Variants in CEMIP observed in about 807,000 individuals in gnomAD.
The protein encoded by CEMIP is cell migration-inducing and hyaluronan-binding protein.
CEMIP carries 105 observed loss-of-function variants against 156.9 expected under a neutral mutation model. That is an observed-to-expected ratio of 0.67 (90% CI 0.57 to 0.79). The LOEUF is 0.79. Among genes scored for constraint, CEMIP ranks in the 30% least tolerant of loss-of-function variants. The probability of loss-of-function intolerance (pLI) is 0.00; values close to 1 mark genes in which losing one functional copy is unlikely to be tolerated. For synonymous variants in CEMIP, 676 were observed against 668.4 expected, an observed-to-expected ratio of 1.01 and a Z score of -0.17; for missense variants, 1,457 against 1,769.4, an observed-to-expected ratio of 0.82 and a Z score of 3.17.
At chr15:80,818,621 C>T (rs1362357174) in intron 1 of CEMIP, among the ~76,000 whole-genome samples, 2 of 152,222 alleles carry the variant, frequency 1.3e-5, no homozygotes, top group African/African-American at 4.8e-5. Flanking sequence ...AACAGGTCAA[C>T]TCCACGATGT....
In CEMIP at chr15:80,853,033, T is replaced by C. The variant is rs374871437; in HGVS notation, c.-175-20505T>C. ...GAGTCAGGAGAATGACTTCCTCTGT[T>C]CTTACAAAGTCCTGGCCACCAGAGA... On this transcript the variant is annotated intron_variant, in intron 1 of 29. Coordinates refer to ENST00000394685, the MANE Select transcript of CEMIP (RefSeq NM_001293298.2). Among the ~76,000 whole-genome samples the C allele has an allele frequency of 1.2e-4, 19 of 152,298 alleles. No homozygotes were observed. In the East Asian group the frequency reaches 3.7e-3, roughly 29 times the overall value.
At chr15:80,904,491 C>T (rs56291746) in intron 12 of CEMIP, among the ~76,000 whole-genome samples, 21,768 of 152,094 alleles carry the variant, frequency 0.14, 1,667 homozygotes, top group South Asian at 0.19. Flanking sequence ...GCTTATGTGA[C>T]AAAAGGGACT....
At chr15:80,948,277 G>C in intron 29 of CEMIP, 1 of 205,074 alleles carries the variant, frequency 4.9e-6, no homozygotes, top group Non-Finnish European at 1.0e-5. Context: ...TGGGTTTCAG[G>C]GGTTTAGAGT....
At chr15:80,810,186 G>A (rs1018487425) in intron 1 of CEMIP, among the ~76,000 whole-genome samples, 8 of 152,034 alleles carry the variant, frequency 5.3e-5, no homozygotes, top group African/African-American at 7.2e-5. Flanking sequence ...GTGCAATATC[G>A]TGACATTATT....
intron 12 of CEMIP, among the ~76,000 whole-genome samples, chr15:80,900,626 G>A (rs867641465): frequency 2.3e-5 from 3 of 130,148 alleles, no homozygotes; most frequent in South Asian, 2.3e-4. Context: ...GTGTGTGTGT[G>A]TGTGTGTGTG....
chr15:80,879,489 G>A (rs549076883), intron 4 of CEMIP, among the ~76,000 whole-genome samples: 347 of 152,278 alleles, frequency 2.3e-3, no homozygotes, highest in Non-Finnish European at 4.1e-3. Context: ...ATCAGCGACT[G>A]GAGCATCCAT....
chr15:80,803,980 C>A (rs1262972902), intron 1 of CEMIP, among the ~76,000 whole-genome samples: 1 of 152,200 alleles, frequency 6.6e-6, no homozygotes, highest in Non-Finnish European at 1.5e-5. Context: ...GGGGAGGCCT[C>A]ACAATGATGG....
At chr15:80,872,018 C>T (rs1258952093) in intron 1 of CEMIP, among the ~76,000 whole-genome samples, 1 of 152,134 alleles carries the variant, frequency 6.6e-6, no homozygotes. Context: ...TTCCTCCCTC[C>T]CCCGGCCTCC....
chr15:80,815,610 T>C (rs1299422494), intron 1 of CEMIP, among the ~76,000 whole-genome samples: 2 of 152,104 alleles, frequency 1.3e-5, no homozygotes, highest in Non-Finnish European at 2.9e-5. Context: ...CTTCCCTCCC[T>C]CATTCCTTCT....
chr15:80,889,714 C>T, intron 10 of CEMIP, 122 bp downstream of exon 10: 3 of 1,272,114 alleles, frequency 2.4e-6, no homozygotes, highest in Non-Finnish European at 3.4e-6. Context: ...TGAGGTAGGT[C>T]AGCCAAAGAG....
At chr15:80,940,913 G>T (rs1032463056) in intron 25 of CEMIP, among the ~76,000 whole-genome samples, 1 of 152,198 alleles carries the variant, frequency 6.6e-6, no homozygotes, top group Non-Finnish European at 1.5e-5. Flanking sequence ...TAGCAGGCAT[G>T]GGGCACAACA....
chr15:80,880,878 G>A (rs1291363135), intron 5 of CEMIP, 22 bp from the exon 6 acceptor site: 5 of 1,596,910 alleles, frequency 3.1e-6, no homozygotes, highest in South Asian at 1.1e-5. Context: ...AGCCAACTCT[G>A]GGGAGCTGTT....
At chr15:80,923,663 G>A (rs964330785) in intron 17 of CEMIP, among the ~76,000 whole-genome samples, 5 of 152,146 alleles carry the variant, frequency 3.3e-5, no homozygotes, top group African/African-American at 1.2e-4. Context: ...GATTGTCTAA[G>A]CCAAGGAGGA....
At chr15:80,946,703 G>A (rs1195276212) in intron 28 of CEMIP, 4 of 492,918 alleles carry the variant, frequency 8.1e-6, no homozygotes, top group East Asian at 3.9e-5. Flanking sequence ...ATGTAAACGC[G>A]GTGAGCCAAG....
At chr15:80,795,959 CTG>C (rs1401870950) in intron 1 of CEMIP, among the ~76,000 whole-genome samples, 1 of 152,122 alleles carries the variant, frequency 6.6e-6, no homozygotes, top group African/African-American at 2.4e-5. Context: ...GTTATTATCT[CTG>C]AGGAAATGAT....
Position 80,878,863 on chromosome 15 carries a change from G to A in CEMIP, c.237G>A (p.Glu79=). The A allele has an allele frequency of 6.2e-7, 1 of 1,614,174 alleles. No homozygotes were observed. The highest frequency in any genetic ancestry group is 8.5e-7 in the Non-Finnish European group (1 of 1,180,026). ...CGGTCTATTCCATCCACATCTCAGA[G>A]GGAGGTAAGCCAATCTCTCTCTGCT... is the stretch of plus-strand genomic sequence containing the variant. ...SATVYSIHIS[E]GGKLVIKDHD... Residue 79 remains glutamate, a synonymous_variant, in exon 4 of 30, where the codon GAG becomes GAA. Coordinates refer to ENST00000394685, the MANE Select transcript of CEMIP (RefSeq NM_001293298.2).
intron 11 of CEMIP, among the ~76,000 whole-genome samples, chr15:80,895,325 G>GAAGGGC (rs1899181658): frequency 6.6e-6 from 1 of 152,230 alleles, no homozygotes; most frequent in Admixed American, 6.5e-5. Context: ...TCAGGAAGGG[G>GAAGGGC]AAGGGCCTGG....
rs543311516 is a variant in CEMIP at position 80,799,711 on chromosome 15, T to C, written c.-176+20097T>C. On this transcript the variant is annotated intron_variant, in intron 1 of 29. Coordinates refer to ENST00000394685, the MANE Select transcript of CEMIP (RefSeq NM_001293298.2). ...GATGAATGGATAAAGAAAATGTATATATATGCAATGGAATATTATTCAGCC... is the reference window on the plus strand; with the variant it reads ...GATGAATGGATAAAGAAAATGTATACATATGCAATGGAATATTATTCAGCC... 2.0e-5 allele frequency among the ~76,000 whole-genome samples: 3 copies of C among 152,322 alleles called. No individual in the cohort carries two copies. The South Asian group carries it at 6.2e-4, about 32-fold the overall frequency.
intron 12 of CEMIP, among the ~76,000 whole-genome samples, chr15:80,897,720 C>G (rs1318150708): frequency 5.3e-5 from 8 of 152,104 alleles, no homozygotes; most frequent in African/African-American, 1.9e-4. Context: ...CCAAGTAAAT[C>G]TGGCAATGAG....
Sources: gnomAD v4.1 joint callset for allele counts (sites outside exome capture counted in the v4.1 genomes callset) on GRCh38, gnomAD v4.1.1 for gene constraint, MANE v1.5 for transcripts, NCBI Gene and HGNC (gene_info 2026-07-23, HGNC 2026-07-21) for gene names.